Variants in AASS observed in about 807,000 individuals in gnomAD.
The protein encoded by AASS is aminoadipate-semialdehyde synthase, also known as alpha-aminoadipic semialdehyde synthase, mitochondrial.
A neutral mutation model predicts 105.4 loss-of-function variants in AASS; 86 were observed. The observed-to-expected ratio is 0.82, with a 90% CI of 0.69 to 0.98. The LOEUF (loss-of-function observed/expected upper bound fraction) is 0.98, where lower values mean the gene tolerates loss of function less well. AASS is among the 50% of genes least tolerant of loss of function. AASS has a pLI of 0.00. For missense variants in AASS, 1,048 were observed against 1,143.2 expected, an observed-to-expected ratio of 0.92 and a Z score of 1.20; for synonymous variants, 381 against 394.8, an observed-to-expected ratio of 0.96 and a Z score of 0.41.
chr7:122,113,859 C>A (rs1281069229), intron 9 of AASS, 139 bp from the exon 10 acceptor site: 128 of 737,568 alleles, frequency 1.7e-4, no homozygotes, highest in East Asian at 7.0e-4. Flanking sequence ...TCCTATAGCT[C>A]ATTCTTCAGG....
intron 18 of AASS, among the ~76,000 whole-genome samples, chr7:122,088,933 G>C (rs1002860913): frequency 6.6e-6 from 1 of 152,028 alleles, no homozygotes; most frequent in Non-Finnish European, 1.5e-5. Context: ...GAATTGTTAG[G>C]AATCAAATTA....
chr7:122,079,357 C>G lies in AASS; in HGVS notation c.2396+240G>C. ...AGGAAAGCAAAAATACCCCACTATG[C>G]TTGGGAACTGAGTGGTAAAGTGTTT... is the stretch of plus-strand genomic sequence containing the variant. On this transcript the variant is annotated intron_variant, in intron 21 of 23. Coordinates refer to ENST00000417368, the MANE Select transcript of AASS (RefSeq NM_005763.4). 3 of 1,376,798 alleles carry G rather than the reference C, an allele frequency of 2.2e-6. No homozygotes were observed. The South Asian group carries it at 4.6e-5, about 21-fold the overall frequency. The allele number at this position is 1,376,798 out of a possible 1,614,324, so 85.3% of individuals were successfully genotyped here.
chr7:122,140,612 C>T (rs1584910002), intron 1 of AASS, among the ~76,000 whole-genome samples: 1 of 150,336 alleles, frequency 6.7e-6, no homozygotes, highest in East Asian at 2.0e-4. Context: ...AATGTTCCAA[C>T]TTTAATCCCC....
chr7:122,109,187 A>G (rs1363005924), intron 11 of AASS, among the ~76,000 whole-genome samples: 1 of 151,690 alleles, frequency 6.6e-6, no homozygotes, highest in Admixed American at 6.6e-5. Context: ...CATGGAATGG[A>G]AGAATTTATA....
Position 122,113,245 on chromosome 7 carries a change from T to C in AASS, c.1167-16A>G, listed in dbSNP as rs757078072. 1.2e-6 allele frequency: 2 copies of C among 1,606,852 alleles called. No individual in the cohort carries two copies. Among genetic ancestry groups the C allele is most frequent in the Non-Finnish European group, 8.5e-7 (1 of 1,173,464 alleles). Reference sequence around the variant, plus strand: ...GCCTTCAACACTAAAAGCAGCAATGTGGTTTATTCAGAAGCACAAAACATT... The same window carrying C: ...GCCTTCAACACTAAAAGCAGCAATGCGGTTTATTCAGAAGCACAAAACATT... On this transcript the variant is annotated splice_polypyrimidine_tract_variant and intron_variant, in intron 10 of 23. Transcript: ENST00000417368.
At chr7:122,092,818 G>A in intron 17 of AASS, 25 bp downstream of exon 17, 1 of 1,545,980 alleles carries the variant, frequency 6.5e-7, no homozygotes, top group Non-Finnish European at 8.9e-7. Flanking sequence ...TTTTAATGTT[G>A]CCTTTGGGTA....
intron 1 of AASS, among the ~76,000 whole-genome samples, chr7:122,137,466 G>A (rs1000569948): frequency 5.3e-5 from 8 of 152,072 alleles, no homozygotes; most frequent in East Asian, 1.9e-4. Context: ...AGTTCTCCCC[G>A]TAGCATGCCG....
intron 15 of AASS, among the ~76,000 whole-genome samples, chr7:122,094,281 A>G (rs998590647): frequency 4.7e-4 from 72 of 152,244 alleles, no homozygotes; most frequent in Admixed American, 1.1e-3. Context: ...ATTCCCTTGG[A>G]AAGACGTGAT....
intron 1 of AASS, among the ~76,000 whole-genome samples, chr7:122,141,602 C>A (rs6954944): frequency 0.26 from 33,194 of 129,866 alleles, 3,916 homozygotes; most frequent in African/African-American, 0.34. Flanking sequence ...AACAAACAAA[C>A]AAACAAACAG....
chr7:122,078,808 A>C, intron 22 of AASS, 54 bp downstream of exon 22: 1 of 1,520,690 alleles, frequency 6.6e-7, no homozygotes, highest in Non-Finnish European at 9.1e-7. Context: ...ATCTGCACTG[A>C]CTCTATCTTA....
At chr7:122,130,318 G>A (rs559331639) in intron 2 of AASS, among the ~76,000 whole-genome samples, 1 of 151,998 alleles carries the variant, frequency 6.6e-6, no homozygotes, top group South Asian at 2.1e-4. Flanking sequence ...AGGCATTGAA[G>A]GCATATATAA....
intron 11 of AASS, among the ~76,000 whole-genome samples, chr7:122,108,654 G>C (rs1584859601): frequency 6.6e-6 from 1 of 151,878 alleles, no homozygotes; most frequent in African/African-American, 2.4e-5. Flanking sequence ...ATCAAATTTG[G>C]CATACAGGGT....
intron 19 of AASS, among the ~76,000 whole-genome samples, chr7:122,083,678 AC>A (rs1296286126): frequency 6.6e-6 from 1 of 152,104 alleles, no homozygotes; most frequent in African/African-American, 2.4e-5. Flanking sequence ...CTGTGGGAGC[AC>A]AAAAGAAGGG....
chr7:122,084,972 C>T (rs1009714382), intron 19 of AASS, among the ~76,000 whole-genome samples: 2 of 152,126 alleles, frequency 1.3e-5, no homozygotes, highest in African/African-American at 4.8e-5. Context: ...TCGCCAAATT[C>T]ATGGGCATCC....
chr7:122,130,563 G>A (rs1273938777), intron 2 of AASS, among the ~76,000 whole-genome samples: 2 of 151,890 alleles, frequency 1.3e-5, no homozygotes, highest in East Asian at 3.9e-4. Flanking sequence ...CAATCAATGG[G>A]AAACCTGAGG....
chr7:122,106,372 C>T (rs1794663113), intron 11 of AASS, among the ~76,000 whole-genome samples: 4 of 151,772 alleles, frequency 2.6e-5, no homozygotes, highest in Admixed American at 2.6e-4. Flanking sequence ...TCAAATTACC[C>T]ATGACATTCT....
intron 13 of AASS, 45 bp from the exon 14 acceptor site, chr7:122,098,911 T>TA: frequency 2.7e-6 from 4 of 1,498,992 alleles, no homozygotes; most frequent in Non-Finnish European, 3.5e-6. Flanking sequence ...AGGGGCTAAT[T>TA]AAAAATTTTT....
In AASS at chr7:122,098,542, G is replaced by A; in HGVS notation, c.1563C>T (p.Gly521=). 1 of 1,609,840 alleles carries A rather than the reference G, an allele frequency of 6.2e-7. No homozygotes were observed. Among genetic ancestry groups the A allele is most frequent in the African/African-American group, 1.3e-5 (1 of 74,702 alleles). The change falls in exon 15 of 24, where the codon GGC becomes GGT. Residue 521 remains glycine (G), a synonymous_variant. Transcript: ENST00000417368. ...TAACAGGATTAATATTATATTTCTT[G>A]CCTAACTGTTCAATTTGATTCTTCA... The part of the protein sequence containing the change: ...SDMKNQIEQL[G]KKYNINPVSM...
At chr7:122,141,330 A>G (rs1796385106) in intron 1 of AASS, among the ~76,000 whole-genome samples, 1 of 152,184 alleles carries the variant, frequency 6.6e-6, no homozygotes, top group African/African-American at 2.4e-5. Context: ...AACATGACAC[A>G]TATTTCTCCT....
Sources: allele counts gnomAD v4.1 joint callset (sites outside exome capture counted in the v4.1 genomes callset), GRCh38; gene constraint gnomAD v4.1.1; transcripts MANE v1.5; gene names NCBI Gene and HGNC (gene_info 2026-07-23, HGNC 2026-07-21).